KLRG1: variants seen among roughly 807,000 people sequenced by gnomAD.
KLRG1 encodes killer cell lectin like receptor G1.
In KLRG1, 16 loss-of-function variants were observed where a neutral mutation model predicts 21.8. The ratio of observed to expected loss-of-function variants is 0.73; its 90% CI spans 0.50 to 1.11. The LOEUF (loss-of-function observed/expected upper bound fraction) is 1.11, where lower values mean the gene tolerates loss of function less well. KLRG1 is among the 50% of genes most tolerant of loss of function. The pLI, the probability that KLRG1 is intolerant of heterozygous loss-of-function variation, is 0.00. For synonymous variants in KLRG1, 69 were observed against 75.9 expected, an observed-to-expected ratio of 0.91 and a Z score of 0.47; for missense variants, 173 against 218.3, an observed-to-expected ratio of 0.79 and a Z score of 1.31.
chr12:9,157,893 T>A, the KLRG1 span: 1 of 1,446,894 alleles, frequency 6.9e-7, no homozygotes, highest in South Asian at 1.2e-5. Context: ...GTTAGTATAT[T>A]CTCTTCTGTT....
chr12:9,114,189 C>T, the KLRG1 span, among the ~76,000 whole-genome samples: 2 of 152,246 alleles, frequency 1.3e-5, no homozygotes, highest in African/African-American at 4.8e-5. Context: ...ATGGCTCCAT[C>T]CAAAAATGGT....
intron 1 of KLRG1, among the ~76,000 whole-genome samples, chr12:8,951,299 C>A (rs1405529132): frequency 1.4e-5 from 1 of 73,624 alleles, no homozygotes; most frequent in East Asian, 2.3e-4. Context: ...ATAGTGAGAC[C>A]CCTTCTTTCA....
At chr12:9,127,130 A>C in the KLRG1 span, among the ~76,000 whole-genome samples, 17 of 152,204 alleles carry the variant, frequency 1.1e-4, no homozygotes, top group Admixed American at 9.8e-4. Flanking sequence ...CTTTCCAACA[A>C]ACTTTTGAGA....
At chr12:9,196,823 C>A in the KLRG1 span, 1 of 788,948 alleles carries the variant, frequency 1.3e-6, no homozygotes, top group East Asian at 2.6e-5. Context: ...ACTTAATACT[C>A]ATATCTGCTT....
the KLRG1 span, chr12:9,072,807 T>G: frequency 2.5e-6 from 4 of 1,614,192 alleles, no homozygotes; most frequent in Non-Finnish European, 3.4e-6. Flanking sequence ...CTGTGCAGCC[T>G]TCCCAGTCCT....
At chr12:9,045,248 CGA>C in the KLRG1 span, among the ~76,000 whole-genome samples, 1 of 152,104 alleles carries the variant, frequency 6.6e-6, no homozygotes, top group Non-Finnish European at 1.5e-5. Flanking sequence ...CACAGTTTTG[CGA>C]GAGAAGATAC....
At chr12:9,088,092 AAAAC>A in the KLRG1 span, among the ~76,000 whole-genome samples, 71 of 152,240 alleles carry the variant, frequency 4.7e-4, no homozygotes, top group Middle Eastern at 0.014. Context: ...TGCTGAGTGA[AAAAC>A]AAACAGTGAT....
the KLRG1 span, chr12:9,091,124 T>C: frequency 1.3e-6 from 2 of 1,488,316 alleles, no homozygotes; most frequent in Non-Finnish European, 9.3e-7. Context: ...ATACAAGAGT[T>C]TGCAGTATTC....
At chr12:8,964,029 A>G (rs958084928) in intron 1 of KLRG1, among the ~76,000 whole-genome samples, 2 of 151,954 alleles carry the variant, frequency 1.3e-5, no homozygotes, top group African/African-American at 4.8e-5. Context: ...TTGTGTCTCT[A>G]TCTCCTTCAG....
intron 1 of KLRG1, among the ~76,000 whole-genome samples, chr12:8,974,910 T>C (rs916464881): frequency 2.6e-5 from 4 of 151,880 alleles, no homozygotes; most frequent in Admixed American, 2.6e-4. Flanking sequence ...CTTCTTCTTT[T>C]TTTGAGACAG....
the KLRG1 span, among the ~76,000 whole-genome samples, chr12:9,104,794 T>G: frequency 6.6e-6 from 1 of 152,182 alleles, no homozygotes; most frequent in East Asian, 1.9e-4. Context: ...TAATGAAATA[T>G]TTTAATCTAT....
chr12:9,027,872 A>G, the KLRG1 span: 3 of 891,770 alleles, frequency 3.4e-6, no homozygotes, highest in Non-Finnish European at 5.6e-6. Flanking sequence ...AACCACCTCC[A>G]TGACCACTAC....
At chr12:9,139,296 G>A in the KLRG1 span, among the ~76,000 whole-genome samples, 5 of 152,080 alleles carry the variant, frequency 3.3e-5, no homozygotes, top group Non-Finnish European at 5.9e-5. Context: ...GACACTTGGT[G>A]TGATTTCAAT....
At chr12:9,090,432 C>T in the KLRG1 span, 1 of 1,613,996 alleles carries the variant, frequency 6.2e-7, no homozygotes. Context: ...CTTGTTCCTT[C>T]TCCACTGGGA....
the KLRG1 span, among the ~76,000 whole-genome samples, chr12:9,193,683 A>G: frequency 1.3e-5 from 2 of 152,164 alleles, no homozygotes; most frequent in Admixed American, 1.3e-4. Flanking sequence ...AGCTAGGGAA[A>G]TCTTTTGATC....
chr12:9,068,803 G>T, the KLRG1 span: 2 of 1,608,502 alleles, frequency 1.2e-6, no homozygotes, highest in South Asian at 2.2e-5. Flanking sequence ...GGGACATCTT[G>T]CAGAACCGTG....
At chr12:9,194,983 T>A in the KLRG1 span, among the ~76,000 whole-genome samples, 1 of 152,166 alleles carries the variant, frequency 6.6e-6, no homozygotes, top group African/African-American at 2.4e-5. Context: ...GCCTCCTTTA[T>A]ATGGTAGTAT....
chr12:9,044,357 A>G, the KLRG1 span, among the ~76,000 whole-genome samples: 1 of 152,114 alleles, frequency 6.6e-6, no homozygotes. Flanking sequence ...AAAAATAAGA[A>G]TTTTTACTCA....
chr12:9,041,418 T>C, the KLRG1 span, among the ~76,000 whole-genome samples: 2 of 152,240 alleles, frequency 1.3e-5, no homozygotes, highest in African/African-American at 4.8e-5. Flanking sequence ...TTGACATGCG[T>C]ATTTTGATGA....
Sources: gnomAD v4.1 joint callset for allele counts (sites outside exome capture counted in the v4.1 genomes callset) on GRCh38, gnomAD v4.1.1 for gene constraint, MANE v1.5 for transcripts, NCBI Gene and HGNC (gene_info 2026-07-23, HGNC 2026-07-21) for gene names.